Variants in CFAP54 observed in about 807,000 individuals in gnomAD.
CFAP54 encodes the protein cilia and flagella associated protein 54, also known as cilia- and flagella-associated protein 54.
CFAP54 carries 290 observed loss-of-function variants against 370.4 expected under a neutral mutation model. That is an observed-to-expected ratio of 0.78 (90% CI 0.71 to 0.86). The LOEUF (loss-of-function observed/expected upper bound fraction) is 0.86. CFAP54 is among the 40% of genes least tolerant of loss of function. CFAP54 has a pLI of 0.00. For synonymous variants in CFAP54, 1,206 were observed against 1,236.5 expected, an observed-to-expected ratio of 0.98 and a Z score of 0.52; for missense variants, 3,399 against 3,528.7, an observed-to-expected ratio of 0.96 and a Z score of 0.93.
intron 48 of CFAP54, among the ~76,000 whole-genome samples, chr12:96,714,907 G>A (rs772609661): frequency 1.3e-5 from 2 of 152,176 alleles, no homozygotes; most frequent in Non-Finnish European, 2.9e-5. Context: ...CCTTAAGTAG[G>A]CAAGATGGGA....
intron 45 of CFAP54, among the ~76,000 whole-genome samples, chr12:96,697,887 T>C (rs1957452863): frequency 6.6e-6 from 1 of 152,214 alleles, no homozygotes; most frequent in Non-Finnish European, 1.5e-5. Flanking sequence ...AGGTTCTACT[T>C]GACCTTTCTT....
Position 96,647,960 on chromosome 12 carries a change from A to G in CFAP54, c.4633A>G (p.Lys1545Glu). Reference sequence around the variant, plus strand: ...AAGAAAATTGACTGTAGAAAATTATAAAGCAATGCTTGATTTCCTTCTTAC... The same window carrying G: ...AAGAAAATTGACTGTAGAAAATTATGAAGCAATGCTTGATTTCCTTCTTAC... ...PTRKLTVENY[K>E]AMLDFLLTAK... is the part of the protein sequence containing the mutation. The change falls in exon 34 of 68, where the codon AAA (lysine) becomes GAA (glutamate). Residue 1545 changes from lysine to glutamate, a missense_variant. This residue lies in a region of CFAP54 where 2,796 missense variants were observed against 2,869.7 expected (regional missense o/e 0.97). Transcript: ENST00000524981. 7 of 1,524,144 alleles carry G rather than the reference A, an allele frequency of 4.6e-6. No homozygotes were observed. Among genetic ancestry groups the G allele is most frequent in the Non-Finnish European group, 6.1e-6 (7 of 1,143,480 alleles). The allele number at this position is 1,524,144 out of a possible 1,614,324, so 94.4% of individuals were successfully genotyped here. A position where few individuals can be genotyped will look rare whatever the true frequency, so the allele number is the denominator to read the frequency against.
intron 50 of CFAP54, among the ~76,000 whole-genome samples, chr12:96,729,299 C>G (rs1264539051): frequency 6.6e-6 from 1 of 152,182 alleles, no homozygotes; most frequent in African/African-American, 2.4e-5. Flanking sequence ...CCTACAGAGG[C>G]CGGCAGGCCT....
At chr12:96,673,306 C>T (rs1957170006) in intron 39 of CFAP54, among the ~76,000 whole-genome samples, 1 of 152,150 alleles carries the variant, frequency 6.6e-6, no homozygotes, top group South Asian at 2.1e-4. Flanking sequence ...CACTGTGCTA[C>T]CTGGCCTCTT....
chr12:96,777,205 T>C (rs984644668), intron 60 of CFAP54, among the ~76,000 whole-genome samples: 2 of 152,224 alleles, frequency 1.3e-5, no homozygotes, highest in African/African-American at 4.8e-5. Flanking sequence ...GTGCTTTTCC[T>C]GGAGACAGCC....
chr12:96,642,075 T>TAA (rs201146449), intron 32 of CFAP54, among the ~76,000 whole-genome samples: 31 of 150,332 alleles, frequency 2.1e-4, no homozygotes, highest in African/African-American at 7.5e-4. Context: ...ACTTAAAGTA[T>TAA]AAAAAAAAGA....
intron 66 of CFAP54, among the ~76,000 whole-genome samples, chr12:96,843,936 G>C (rs1022445386): frequency 6.6e-6 from 1 of 152,140 alleles, no homozygotes; most frequent in Non-Finnish European, 1.5e-5. Context: ...GCATTGTAAA[G>C]GTGCAAGTAT....
intron 60 of CFAP54, among the ~76,000 whole-genome samples, chr12:96,772,574 T>C (rs1214795718): frequency 6.6e-6 from 1 of 151,326 alleles, no homozygotes; most frequent in Non-Finnish European, 1.5e-5. Flanking sequence ...AGTCAGTTGA[T>C]AGGTGATTGG....
intron 15 of CFAP54, among the ~76,000 whole-genome samples, chr12:96,552,898 A>G (rs1955710335): frequency 6.6e-6 from 1 of 152,162 alleles, no homozygotes; most frequent in Admixed American, 6.5e-5. Context: ...CATTTGCATG[A>G]ATTTGTAATT....
In CFAP54 at chr12:96,533,917, TA is replaced by T. The variant is rs1240832268; in HGVS notation, c.1484del (p.Tyr495LeufsTer33). On this transcript the variant is annotated frameshift_variant, in exon 10 of 68. Coordinates refer to ENST00000524981, the MANE Select transcript of CFAP54 (RefSeq NM_001306084.2). LOFTEE classifies it high-confidence loss of function. ...GAAATTTATAAAATTAGCTTTTACC[TA>T]TGAGGAGTGGAGTTTATTTGAATCT... ...AVKFIKLAFT[Y>X]EEWSLFESSA... 2.6e-6 allele frequency: 4 copies of T among 1,534,708 alleles called. No individual in the cohort carries two copies. The highest frequency in any genetic ancestry group is 2.6e-6 in the Non-Finnish European group (3 of 1,146,232).
chr12:96,681,925 C>T (rs1054251442), intron 40 of CFAP54, among the ~76,000 whole-genome samples: 4 of 151,982 alleles, frequency 2.6e-5, no homozygotes, highest in South Asian at 4.1e-4. Context: ...GATGAGATAA[C>T]GCAGACATGG....
rs145134766 is a variant in CFAP54 at position 96,757,612 on chromosome 12, TTA to T, written c.8040+26_8040+27del. 8.1e-3 allele frequency: 11,453 copies of T among 1,420,972 alleles called. 536 individuals are homozygous for T. In the East Asian group the frequency reaches 0.11, roughly 14 times the overall value. The allele number at this position is 1,420,972 out of a possible 1,614,324, so 88.0% of individuals were successfully genotyped here. A position where few individuals can be genotyped will look rare whatever the true frequency, so the allele number is the denominator to read the frequency against. On this transcript the variant is annotated intron_variant, in intron 58 of 67. Transcript: ENST00000524981. The stretch of plus-strand genomic sequence containing the variant: ...AGGTAAGAGTCTATTTTATTAGAAA[TTA>T]TGAGTTAATTGCCTTTGAGCTTGCT...
At chr12:96,580,778 C>A in intron 21 of CFAP54, 89 bp downstream of exon 21, 1 of 1,116,362 alleles carries the variant, frequency 9.0e-7, no homozygotes, top group East Asian at 2.8e-5. Flanking sequence ...GTGAATCTCT[C>A]TAATTTCCAC....
chr12:96,744,218 TC>T (rs1427556449), intron 55 of CFAP54, 72 bp downstream of exon 55: 58 of 1,321,558 alleles, frequency 4.4e-5, no homozygotes, highest in Non-Finnish European at 3.1e-6. Flanking sequence ...AGGCAGGCTA[TC>T]ATATGAGTGC....
intron 64 of CFAP54, among the ~76,000 whole-genome samples, chr12:96,815,720 T>C (rs1392683264): frequency 6.6e-6 from 1 of 152,260 alleles, no homozygotes; most frequent in Non-Finnish European, 1.5e-5. Context: ...CTTTAATCCA[T>C]CTTGAGTTAA....
intron 17 of CFAP54, among the ~76,000 whole-genome samples, chr12:96,563,680 C>T (rs1955837390): frequency 1.3e-5 from 2 of 152,306 alleles, no homozygotes; most frequent in Middle Eastern, 3.4e-3. Flanking sequence ...ATTACTATCA[C>T]ATGGTGGCTC....
chr12:96,870,629 GA>G (rs1164979081), intron 67 of CFAP54, among the ~76,000 whole-genome samples: 1 of 152,160 alleles, frequency 6.6e-6, no homozygotes, highest in African/African-American at 2.4e-5. Context: ...ATCTTCGGGG[GA>G]AGTTCGTTTC....
intron 50 of CFAP54, among the ~76,000 whole-genome samples, chr12:96,733,590 T>G (rs988585316): frequency 4.6e-5 from 7 of 150,610 alleles, no homozygotes; most frequent in Non-Finnish European, 8.9e-5. Context: ...CTCCTTTACA[T>G]TTGATCTATT....
chr12:96,610,288 C>G (rs182360096), intron 26 of CFAP54, among the ~76,000 whole-genome samples: 116 of 152,294 alleles, frequency 7.6e-4, no homozygotes, highest in Non-Finnish European at 1.4e-3. Flanking sequence ...AAAGCCAGAA[C>G]CTTGTCTCAT....
Sources: allele counts gnomAD v4.1 joint callset (sites outside exome capture counted in the v4.1 genomes callset), GRCh38; gene constraint gnomAD v4.1.1; regional missense constraint gnomAD v4.1.1; transcripts MANE v1.5; gene names NCBI Gene and HGNC (gene_info 2026-07-23, HGNC 2026-07-21).